PAX8: variants seen among roughly 807,000 people sequenced by gnomAD.
PAX8 encodes paired box protein Pax-8.
PAX8 carries 15 observed loss-of-function variants against 52.4 expected under a neutral mutation model. The ratio of observed to expected loss-of-function variants is 0.29; its 90% CI spans 0.19 to 0.44. The LOEUF (loss-of-function observed/expected upper bound fraction) is 0.44. Among genes scored for constraint, PAX8 ranks in the 20% least tolerant of loss-of-function variants. The pLI, the probability that PAX8 is intolerant of heterozygous loss-of-function variation, is 1.00. For missense variants in PAX8, 554 were observed against 602.5 expected (o/e 0.92, Z 0.84); for synonymous variants, 284 against 249.7 (o/e 1.14, Z -1.29).
chr2:113,239,603 C>T (rs1296904561), intron 7 of PAX8: 1 of 152,256 alleles, frequency 6.6e-6, no homozygotes, highest in African/African-American at 2.4e-5. Flanking sequence ...CTTCACCACC[C>T]TCCAGGTGAA....
chr2:113,228,415 CAG>C lies in PAX8; in HGVS notation c.1088-1161_1088-1160del, dbSNP rs144934833. On this transcript the variant is annotated intron_variant, in intron 9 of 11. Transcript: ENST00000429538. ...TCTTCCTAGTTCTTGGTGATATTTA[CAG>C]AGTTTCTCAGTCTCAGCAACATTGG... Among the ~76,000 whole-genome samples the C allele has an allele frequency of 6.2e-3, 941 of 152,332 alleles. 14 individuals are homozygous for C. Among genetic ancestry groups the C allele is most frequent in the African/African-American group, 0.022 (900 of 41,556 alleles).
chr2:113,266,851 T>C (rs1558753801), intron 2 of PAX8: 1 of 152,270 alleles, frequency 6.6e-6, no homozygotes, highest in East Asian at 1.9e-4. Context: ...AGTTTTATTA[T>C]ATTGACAAGC....
chr2:113,226,891 C>T, intron 10 of PAX8: 1 of 1,368,542 alleles, frequency 7.3e-7, no homozygotes, highest in South Asian at 1.4e-5. Flanking sequence ...AGACCTGTCT[C>T]AGCCCCTCCC....
At chr2:113,278,609 T>A (rs1446591437) in intron 1 of PAX8, 140 bp from the exon 2 acceptor site, 1 of 800,752 alleles carries the variant, frequency 1.2e-6, no homozygotes, top group Non-Finnish European at 2.0e-6. Flanking sequence ...AGGGCCAACC[T>A]CAGCCTAGCC....
At chr2:113,246,972 G>T (rs1459538991) in intron 2 of PAX8, 53 bp from the exon 3 acceptor site, 1 of 1,530,768 alleles carries the variant, frequency 6.5e-7, no homozygotes, top group Non-Finnish European at 8.9e-7. Context: ...AGGAGTTTGG[G>T]TGGGGATTAG....
intron 8 of PAX8, chr2:113,236,196 C>T (rs530451107): frequency 6.7e-6 from 1 of 148,518 alleles, no homozygotes; most frequent in African/African-American, 3.0e-5. Context: ...GGAGGCGCGA[C>T]CCCTCGGCCC....
At chr2:113,266,944 A>T (rs1693109281) in intron 2 of PAX8, 1 of 152,248 alleles carries the variant, frequency 6.6e-6, no homozygotes, top group South Asian at 2.1e-4. Context: ...AAATGTACAA[A>T]ATATGCATGA....
Position 113,246,745 on chromosome 2 carries a change from C to G in PAX8, c.191+9G>C. The G allele has an allele frequency of 6.2e-7, 1 of 1,610,912 alleles. No individual in the cohort carries two copies. Among genetic ancestry groups the G allele is most frequent in the Non-Finnish European group, 8.5e-7 (1 of 1,177,940 alleles). On this transcript the variant is annotated intron_variant, in intron 3 of 11. Coordinates refer to ENST00000429538, the MANE Select transcript of PAX8 (RefSeq NM_003466.4). Reference sequence around the variant, plus strand: ...GGGGAAGGCGGCCTGCGGTGAATTTCGTGCTTACCTGCCAAGGATCTTGCT... The same window carrying G: ...GGGGAAGGCGGCCTGCGGTGAATTTGGTGCTTACCTGCCAAGGATCTTGCT...
Position 113,271,860 on chromosome 2 carries a change from A to C in PAX8, c.25+6510T>G, listed in dbSNP as rs533485504. The C allele has an allele frequency of 2.6e-5, 4 of 151,870 alleles. No individual in the cohort carries two copies. The East Asian group carries it at 7.7e-4, about 29-fold the overall frequency. The allele number at this position is 151,870 out of a possible 1,614,324, so 9.4% of individuals were successfully genotyped here. The stretch of plus-strand genomic sequence containing the variant: ...GCAATACCTGCCTGGCAGAGTTGTG[A>C]GAATTAAATGAGATGATGAATACAT... On this transcript the variant is annotated intron_variant, in intron 2 of 11. Transcript: ENST00000429538.
At chr2:113,236,865 A>T in intron 7 of PAX8, 144 bp from the exon 8 acceptor site, 1 of 924,728 alleles carries the variant, frequency 1.1e-6, no homozygotes, top group Non-Finnish European at 1.6e-6. Flanking sequence ...TACGTTCTCA[A>T]CTCCACTCGG....
intron 2 of PAX8, chr2:113,268,529 C>T (rs1693242122): frequency 6.6e-6 from 1 of 152,232 alleles, no homozygotes; most frequent in Non-Finnish European, 1.5e-5. Flanking sequence ...GCCTATGAAG[C>T]TTCTGAGATG....
At chr2:113,237,579 TTCA>T (rs1194420044) in intron 7 of PAX8, 1 of 152,192 alleles carries the variant, frequency 6.6e-6, no homozygotes, top group Non-Finnish European at 1.5e-5. Context: ...CCTGGGGGTC[TTCA>T]TCAGTAAGAC....
Position 113,244,590 on chromosome 2 carries a change from T to G in PAX8, c.226A>C (p.Ile76Leu). Residue 76 changes from isoleucine to leucine, a missense_variant, in exon 4 of 12, where the codon ATA (isoleucine) becomes CTA (leucine). Ile to Leu is a conservative substitution (Grantham distance 5). Transcript: ENST00000429538. ...GCCACCTTGGGCTTGGAGCCCCCTA[T>G]CACTCCAGGCCGGATGCTGCCAGTC... is the stretch of plus-strand genomic sequence containing the variant. ...YETGSIRPGV[I>L]GGSKPKVATP... The G allele has an allele frequency of 6.2e-7, 1 of 1,614,138 alleles. No individual in the cohort carries two copies. The highest frequency in any genetic ancestry group is 8.5e-7 in the Non-Finnish European group (1 of 1,179,998).
intron 1 of PAX8, 181 bp from the exon 2 acceptor site, chr2:113,278,650 A>G: frequency 1.5e-6 from 1 of 669,500 alleles, no homozygotes; most frequent in Non-Finnish European, 2.5e-6. Context: ...AGGATCAAGG[A>G]TTGGGAGTGC....
chr2:113,241,312 C>T (rs1020042712), intron 7 of PAX8: 1 of 605,450 alleles, frequency 1.7e-6, no homozygotes, highest in Non-Finnish European at 3.0e-6. Context: ...GCTGCCATCC[C>T]TGAAAGGCCC....
intron 10 of PAX8, 200 bp downstream of exon 10, chr2:113,226,955 G>A: frequency 4.0e-6 from 6 of 1,491,182 alleles, no homozygotes; most frequent in Middle Eastern, 2.0e-4. Flanking sequence ...GCCGAGCTGG[G>A]GCAAGTTAAA....
intron 2 of PAX8, among the ~76,000 whole-genome samples, chr2:113,256,658 A>G (rs112404518): frequency 1.2e-4 from 16 of 138,620 alleles, no homozygotes; most frequent in South Asian, 2.4e-4. Context: ...GTGTGTGTAT[A>G]TATATATATA....
chr2:113,229,260 A>G (rs1485605472), intron 9 of PAX8, among the ~76,000 whole-genome samples: 1 of 152,186 alleles, frequency 6.6e-6, no homozygotes, highest in Non-Finnish European at 1.5e-5. Context: ...CCCAAGGGTC[A>G]GTTTCTTCAT....
rs58231626 is a variant in PAX8, at chr2:113,256,632, G to A, written c.26-9713C>T. On this transcript the variant is annotated intron_variant, in intron 2 of 11. Transcript: ENST00000429538. ...TGTGTGTGTGTATATATATATATATGTGTGTGTGTGTGTGTGTGTGTGTAT... is the reference window on the plus strand; with the variant it reads ...TGTGTGTGTGTATATATATATATATATGTGTGTGTGTGTGTGTGTGTGTAT... Among the ~76,000 whole-genome samples the A allele has an allele frequency of 6.7e-4, 62 of 92,178 alleles. 1 individual carries two copies. Among genetic ancestry groups the A allele is most frequent in the East Asian group, 1.8e-3 (3 of 1,674 alleles). 60.5% of individuals were successfully genotyped at this position (92,178 alleles called of 152,430 possible). A position where few individuals can be genotyped will look rare whatever the true frequency, so the allele number is the denominator to read the frequency against.
Sources: allele counts gnomAD v4.1 joint callset (sites outside exome capture counted in the v4.1 genomes callset), GRCh38; gene constraint gnomAD v4.1.1; transcripts MANE v1.5; gene names NCBI Gene and HGNC (gene_info 2026-07-23, HGNC 2026-07-21).